Variants in GTF2F2 observed in about 807,000 individuals in gnomAD.
GTF2F2 encodes the protein general transcription factor IIF subunit 2.
GTF2F2 carries 23 observed loss-of-function variants against 42.2 expected under a neutral mutation model. That is an observed-to-expected ratio of 0.55 (90% CI 0.39 to 0.77). GTF2F2 has a LOEUF of 0.77. Ranked by LOEUF, GTF2F2 falls within the 30% of genes least tolerant of loss-of-function variation. The pLI, the probability that GTF2F2 is intolerant of heterozygous loss-of-function variation, is 0.00. For synonymous variants in GTF2F2, 105 were observed against 100.8 expected, an observed-to-expected ratio of 1.04 and a Z score of -0.25; for missense variants, 261 against 287.2, an observed-to-expected ratio of 0.91 and a Z score of 0.66.
chr13:45,200,530 G>A (rs953540760), intron 4 of GTF2F2, among the ~76,000 whole-genome samples: 3 of 152,128 alleles, frequency 2.0e-5, no homozygotes, highest in African/African-American at 7.2e-5. Flanking sequence ...CTGGGCTCAA[G>A]CTATGCTGCT....
chr13:45,263,298 G>C (rs1479210509), intron 6 of GTF2F2, among the ~76,000 whole-genome samples: 1 of 151,724 alleles, frequency 6.6e-6, no homozygotes, highest in Non-Finnish European at 1.5e-5. Flanking sequence ...CGCGATCTCG[G>C]CTCACTGCAA....
chr13:45,227,009 G>A (rs1874391912), intron 5 of GTF2F2, among the ~76,000 whole-genome samples: 1 of 152,114 alleles, frequency 6.6e-6, no homozygotes, highest in Non-Finnish European at 1.5e-5. Flanking sequence ...GCCAAGGTGG[G>A]AGATCTCTTG....
chr13:45,257,226 A>G (rs1876140796), intron 6 of GTF2F2, among the ~76,000 whole-genome samples: 1 of 152,162 alleles, frequency 6.6e-6, no homozygotes, highest in Admixed American at 6.5e-5. Flanking sequence ...AAAGAATTAT[A>G]TGATTATTTT....
intron 2 of GTF2F2, among the ~76,000 whole-genome samples, chr13:45,140,485 CTT>C (rs1869871423): frequency 6.6e-6 from 1 of 152,118 alleles, no homozygotes; most frequent in Admixed American, 6.5e-5. Flanking sequence ...AATCTTCTGA[CTT>C]TAGATTTCTT....
At chr13:45,215,683 C>T (rs1468060855) in intron 5 of GTF2F2, among the ~76,000 whole-genome samples, 1 of 151,976 alleles carries the variant, frequency 6.6e-6, no homozygotes, top group African/African-American at 2.4e-5. Flanking sequence ...ATCACTAGAA[C>T]CCAGGAGGCA....
chr13:45,169,980 C>G (rs563171565), intron 4 of GTF2F2, among the ~76,000 whole-genome samples: 6 of 152,220 alleles, frequency 3.9e-5, no homozygotes, highest in African/African-American at 1.4e-4. Flanking sequence ...AGTTATAGTT[C>G]CAACATTTAT....
intron 4 of GTF2F2, among the ~76,000 whole-genome samples, chr13:45,156,117 A>G (rs1389512374): frequency 2.0e-5 from 3 of 152,066 alleles, no homozygotes. Context: ...ATTATTATTT[A>G]TAACTGCCAA....
chr13:45,251,785 C>T lies in GTF2F2; in HGVS notation c.387-1086C>T, dbSNP rs938451493. ...TTTGTCCAAAAATGCTTATGTTTTACACTTACTCTTCAATTGTAATCTAAC... is the reference window on the plus strand; with the variant it reads ...TTTGTCCAAAAATGCTTATGTTTTATACTTACTCTTCAATTGTAATCTAAC... On this transcript the variant is annotated intron_variant, in intron 5 of 7. Coordinates refer to ENST00000340473, the MANE Select transcript of GTF2F2 (RefSeq NM_004128.3). Among the ~76,000 whole-genome samples, 7 of 152,182 alleles carry T rather than the reference C, an allele frequency of 4.6e-5. No homozygotes were observed. The East Asian group carries it at 9.6e-4, about 21-fold the overall frequency.
intron 6 of GTF2F2, among the ~76,000 whole-genome samples, chr13:45,261,351 G>A (rs753358145): frequency 1.3e-4 from 19 of 151,492 alleles, no homozygotes; most frequent in South Asian, 6.3e-4. Flanking sequence ...ACTTGAACCC[G>A]GGAGGCTGAG....
intron 4 of GTF2F2, among the ~76,000 whole-genome samples, chr13:45,202,123 A>G (rs1411696966): frequency 6.6e-6 from 1 of 152,166 alleles, no homozygotes; most frequent in Non-Finnish European, 1.5e-5. Context: ...GTGGTGGCTC[A>G]CACCTGTAAT....
intron 2 of GTF2F2, among the ~76,000 whole-genome samples, chr13:45,142,148 A>G (rs983168631): frequency 6.6e-6 from 1 of 152,140 alleles, no homozygotes; most frequent in Non-Finnish European, 1.5e-5. Flanking sequence ...TTCCTCAACC[A>G]CAGTTGAAGA....
chr13:45,200,472 A>G (rs1014363229), intron 4 of GTF2F2, among the ~76,000 whole-genome samples: 3 of 152,070 alleles, frequency 2.0e-5, no homozygotes, highest in Admixed American at 1.3e-4. Context: ...ATACCTGGCT[A>G]ACTTTTTTAT....
At chr13:45,145,629 A>G (rs906525715) in intron 2 of GTF2F2, among the ~76,000 whole-genome samples, 1 of 152,200 alleles carries the variant, frequency 6.6e-6, no homozygotes, top group Admixed American at 6.5e-5. Context: ...ACTTTGTTCC[A>G]GTTTTCTTCC....
intron 4 of GTF2F2, among the ~76,000 whole-genome samples, chr13:45,160,078 G>C (rs1870961692): frequency 6.6e-6 from 1 of 152,016 alleles, no homozygotes. Context: ...CACTTTAATG[G>C]AGCATTTCTT....
At chr13:45,250,052 T>C (rs946673901) in intron 5 of GTF2F2, among the ~76,000 whole-genome samples, 9 of 63,500 alleles carry the variant, frequency 1.4e-4, no homozygotes, top group Non-Finnish European at 2.8e-5. Context: ...GCCTTATCTC[T>C]TTTTTTTTTT....
chr13:45,233,373 A>G (rs909272477), intron 5 of GTF2F2, among the ~76,000 whole-genome samples: 2 of 152,220 alleles, frequency 1.3e-5, no homozygotes, highest in African/African-American at 4.8e-5. Flanking sequence ...AATCCTTCTT[A>G]ATTTCATAAT....
At chr13:45,193,646 C>A (rs1219090651) in intron 4 of GTF2F2, 31 of 707,040 alleles carry the variant, frequency 4.4e-5, no homozygotes, top group Non-Finnish European at 1.4e-5. Context: ...AATTTACATA[C>A]CGTTAGCTCA....
intron 5 of GTF2F2, among the ~76,000 whole-genome samples, chr13:45,223,262 TAAAAA>T (rs60690884): frequency 2.1e-5 from 2 of 96,314 alleles, no homozygotes; most frequent in African/African-American, 3.5e-5. Context: ...CTTGTCTCAA[TAAAAA>T]AAAAAAAAAA....
chr13:45,141,677 A>G (rs1869933983), intron 2 of GTF2F2, among the ~76,000 whole-genome samples: 1 of 152,190 alleles, frequency 6.6e-6, no homozygotes, highest in Non-Finnish European at 1.5e-5. Flanking sequence ...TTAGTGTATA[A>G]GTAATACCTA....
Sources: allele counts gnomAD v4.1 joint callset (sites outside exome capture counted in the v4.1 genomes callset), GRCh38; gene constraint gnomAD v4.1.1; transcripts MANE v1.5; gene names NCBI Gene and HGNC (gene_info 2026-07-23, HGNC 2026-07-21).